The following STK11IP variants were observed in gnomAD, a reference collection of about 807,000 sequenced individuals.
STK11IP encodes serine/threonine kinase 11 interacting protein.
Under a neutral mutation model 131.7 loss-of-function variants are expected in STK11IP, and 103 were observed. The observed-to-expected ratio is 0.78, with a 90% CI of 0.67 to 0.92. The LOEUF is 0.92. Ranked by LOEUF, STK11IP falls within the 40% of genes least tolerant of loss-of-function variation. The probability of loss-of-function intolerance (pLI) is 0.00; values close to 1 mark genes in which losing one functional copy is unlikely to be tolerated. For missense variants in STK11IP, 1,315 were observed against 1,385.7 expected, an observed-to-expected ratio of 0.95 and a Z score of 0.81; for synonymous variants, 557 against 575.6, an observed-to-expected ratio of 0.97 and a Z score of 0.46.
chr2:219,608,871 C>A, intron 15 of STK11IP, 83 bp downstream of exon 15: 1 of 1,395,020 alleles, frequency 7.2e-7, no homozygotes, highest in Non-Finnish European at 9.6e-7. Context: ...CTGGGCATTT[C>A]TTTCAGTCTC....
chr2:219,601,862 A>G (rs1697996877), intron 4 of STK11IP, 126 bp from the exon 5 acceptor site: 2 of 1,249,374 alleles, frequency 1.6e-6, no homozygotes, highest in Non-Finnish European at 2.3e-6. Context: ...CTGTCTTTCC[A>G]TTTACTGCTT....
intron 17 of STK11IP, among the ~76,000 whole-genome samples, chr2:219,611,402 C>T (rs1485212529): frequency 6.6e-6 from 1 of 152,160 alleles, no homozygotes; most frequent in Non-Finnish European, 1.5e-5. Flanking sequence ...AGGGTTAGCT[C>T]ATCCCTCCCT....
Position 219,598,319 on chromosome 2 carries a change from C to T in STK11IP, c.61+139C>T, listed in dbSNP as rs542123425. ...TCAGAGTTCAATTTCTTTACTTTTC[C>T]CAGGTTTGTTCGCCCTTACAGTGTC... On this transcript the variant is annotated intron_variant, in intron 2 of 24. Transcript: ENST00000456909. 4.3e-5 allele frequency: 28 copies of T among 652,654 alleles called. 1 individual carries two copies. Among genetic ancestry groups the T allele is most frequent in the Non-Finnish European group, 6.7e-5 (27 of 400,134 alleles). 40.4% of individuals were successfully genotyped at this position (652,654 alleles called of 1,614,324 possible). A position where few individuals can be genotyped will look rare whatever the true frequency, so the allele number is the denominator to read the frequency against.
In STK11IP at chr2:219,602,027, G is replaced by T; in HGVS notation, c.382G>T (p.Gly128Cys). The T allele has an allele frequency of 1.9e-6, 3 of 1,611,962 alleles. No individual in the cohort carries two copies. The highest frequency in any genetic ancestry group is 2.5e-6 in the Non-Finnish European group (3 of 1,179,220). The change falls in exon 5 of 25, where the codon GGC becomes TGC. Residue 128 changes from glycine (G) to cysteine (C), a missense_variant. Coordinates refer to ENST00000456909, the MANE Select transcript of STK11IP (RefSeq NM_052902.4). The part of the protein sequence containing the change: ...VPLHCLHGLR[G>C]IYSQLETLIC... ...CCTCCACTGTCTGCATGGCCTCCGA[G>T]GCATCTACTCCCAGCTGGAGACCCT...
At position 219,609,475 on chromosome 2, in the gene STK11IP, A is replaced by C. The variant is rs1173234910; in HGVS notation, c.2039A>C (p.Lys680Thr). 6.2e-7 allele frequency: 1 copy of C among 1,605,770 alleles called. No individual in the cohort carries two copies. Among genetic ancestry groups the C allele is most frequent in the Admixed American group, 1.7e-5 (1 of 58,680 alleles). The change falls in exon 17 of 25, where the codon AAG becomes ACG. Residue 680 changes from lysine to threonine, a missense_variant. Lys to Thr is a moderately conservative substitution (Grantham distance 78). Transcript: ENST00000456909. ...TGTCTACGCTGTGGCCATGAGTTCAAGCCAGAGGAGCCCAGGATGGGATTA... is the reference window on the plus strand; with the variant it reads ...TGTCTACGCTGTGGCCATGAGTTCACGCCAGAGGAGCCCAGGATGGGATTA... ...FQCLRCGHEFKPEEPRMGLDS... is the reference protein window; with the variant it reads ...FQCLRCGHEFTPEEPRMGLDS...
intron 13 of STK11IP, among the ~76,000 whole-genome samples, 160 bp from the exon 14 acceptor site, chr2:219,607,887 A>G (rs1380345488): frequency 6.6e-6 from 1 of 152,142 alleles, no homozygotes; most frequent in Non-Finnish European, 1.5e-5. Context: ...TCCATAGGAC[A>G]CGCTTTAGTA....
intron 2 of STK11IP, among the ~76,000 whole-genome samples, chr2:219,601,015 A>C (rs1024643056): frequency 6.6e-6 from 1 of 152,190 alleles, no homozygotes; most frequent in African/African-American, 2.4e-5. Context: ...TTGTGTAGCC[A>C]AGCAGTCTCA....
At chr2:219,603,036 G>GTTTTT (rs750626798) in intron 7 of STK11IP, among the ~76,000 whole-genome samples, 15 of 118,732 alleles carry the variant, frequency 1.3e-4, no homozygotes, top group South Asian at 2.8e-4. Flanking sequence ...AGAGTACCTG[G>GTTTTT]TTTTTTTTTT....
intron 23 of STK11IP, 177 bp from the exon 24 acceptor site, chr2:219,614,917 G>T: frequency 1.4e-6 from 1 of 739,262 alleles, no homozygotes; most frequent in Non-Finnish European, 2.2e-6. Flanking sequence ...AGGTATTCCA[G>T]AGTAGAGATT....
In STK11IP at chr2:219,614,181, C is replaced by G; in HGVS notation, c.2737C>G (p.Pro913Ala). The G allele has an allele frequency of 6.2e-7, 1 of 1,613,498 alleles. No individual in the cohort carries two copies. The highest frequency in any genetic ancestry group is 1.1e-5 in the South Asian group (1 of 91,086). The change falls in exon 22 of 25, where the codon CCT becomes GCT. Residue 913 changes from proline to alanine, a missense_variant. By Grantham distance (27) the Pro-to-Ala change is conservative. Coordinates refer to ENST00000456909, the MANE Select transcript of STK11IP (RefSeq NM_052902.4). ...TCTAGATGTCTTGCAGTCTCTGCCC[C>G]CTGCCTGGAGGAACTGTGTCAGTGC... is the stretch of plus-strand genomic sequence containing the variant. ...ELLDVLQSLP[P>A]AWRNCVSATE...
At position 219,602,722 on chromosome 2, in the gene STK11IP, G is replaced by C. The variant is rs1216984441; in HGVS notation, c.564G>C (p.Leu188=). 6.2e-7 allele frequency: 1 copy of C among 1,613,262 alleles called. No homozygotes were observed. Among genetic ancestry groups the C allele is most frequent in the Admixed American group, 1.7e-5 (1 of 59,848 alleles). ...LDSSLRLLSA[L]RFLNLSHNQV... is the part of the protein sequence containing the mutation. The stretch of plus-strand genomic sequence containing the variant: ...TCTCTCAGCGCCTCTTGTCAGCTCT[G>C]CGTTTCTTGAACCTAAGCCACAATC... The change falls in exon 7 of 25, where the codon CTG becomes CTC. Residue 188 remains leucine, a synonymous_variant. Coordinates refer to ENST00000456909, the MANE Select transcript of STK11IP (RefSeq NM_052902.4).
intron 17 of STK11IP, 135 bp downstream of exon 17, chr2:219,609,675 G>A: frequency 9.8e-7 from 1 of 1,021,150 alleles, no homozygotes; most frequent in Non-Finnish European, 1.4e-6. Flanking sequence ...CTGCCTGGAG[G>A]AAAAAGAAAA....
intron 24 of STK11IP, chr2:219,615,800 C>T (rs1017502113): frequency 4.0e-5 from 28 of 704,436 alleles, no homozygotes; most frequent in Admixed American, 1.8e-4. Context: ...AAATTGAGCC[C>T]GCATCTTCTG....
At position 219,612,055 on chromosome 2, in the gene STK11IP, C is replaced by T. The variant is rs760127943; in HGVS notation, c.2436C>T (p.Leu812=). 1.9e-6 allele frequency: 3 copies of T among 1,598,698 alleles called. No individual in the cohort carries two copies. Among genetic ancestry groups the T allele is most frequent in the South Asian group, 2.3e-5 (2 of 88,112 alleles). Residue 812 remains leucine (L), a synonymous_variant, in exon 19 of 25, where the codon CTC becomes CTT. Coordinates refer to ENST00000456909, the MANE Select transcript of STK11IP (RefSeq NM_052902.4). ...CCCAGGAGGAGTTCCAGTGCTGCCT[C>T]AAGGTCTGTGCTCCCTGACACTGCC... The part of the protein sequence containing the change: ...SDAQEEFQCC[L]KVPVALAGHT...
intron 8 of STK11IP, 75 bp from the exon 9 acceptor site, chr2:219,605,880 TC>T: frequency 3.4e-6 from 5 of 1,469,446 alleles, no homozygotes; most frequent in Non-Finnish European, 2.8e-6. Context: ...TGCTGCAACC[TC>T]CCCCAGTGCA....
chr2:219,615,137 C>G lies in STK11IP; in HGVS notation c.2913C>G (p.Thr971=). 6.2e-7 allele frequency: 1 copy of G among 1,608,814 alleles called. No homozygotes were observed. The highest frequency in any genetic ancestry group is 8.5e-7 in the Non-Finnish European group (1 of 1,178,846). ...CLVSLLLTPS[T]LFLLDEDAAG... ...TATCCCTGTTGCTGACTCCGTCCAC[C>G]CTGTTCCTGTTAGATGAGGATGCTG... The change falls in exon 24 of 25, where the codon ACC becomes ACG. Residue 971 remains threonine (T), a synonymous_variant. Transcript: ENST00000456909.
At position 219,615,173 on chromosome 2, in the gene STK11IP, G is replaced by A. The variant is rs755312357; in HGVS notation, c.2949G>A (p.Pro983=). 29 of 1,601,208 alleles carry A rather than the reference G, an allele frequency of 1.8e-5. No homozygotes were observed. The Middle Eastern group carries it at 6.6e-4, about 36-fold the overall frequency. Residue 983 remains proline (P), a synonymous_variant, in exon 24 of 25, where the codon CCG becomes CCA. Coordinates refer to ENST00000456909, the MANE Select transcript of STK11IP (RefSeq NM_052902.4). Reference sequence around the variant, plus strand: ...TAGATGAGGATGCTGCAGGGTCCCCGGCAGAGCCCTCTCCTCCAGCAGCAT... The same window carrying A: ...TAGATGAGGATGCTGCAGGGTCCCCAGCAGAGCCCTCTCCTCCAGCAGCAT... ...FLLDEDAAGS[P]AEPSPPAASG...
At position 219,613,191 on chromosome 2, in the gene STK11IP, A is replaced by C; in HGVS notation, c.2503A>C (p.Arg835=). The C allele has an allele frequency of 6.3e-7, 1 of 1,593,800 alleles. No homozygotes were observed. Among genetic ancestry groups the C allele is most frequent in the Non-Finnish European group, 8.6e-7 (1 of 1,168,004 alleles). Reference sequence around the variant, plus strand: ...GTGCCTTGTGGTTGTGTCTGACCGCAGGCTGTACCTGTTGAAGGTGACTGG... The same window carrying C: ...GTGCCTTGTGGTTGTGTCTGACCGCCGGCTGTACCTGTTGAAGGTGACTGG... ...FMCLVVVSDR[R]LYLLKVTGEM... Residue 835 remains arginine (R), a synonymous_variant, in exon 20 of 25, where the codon AGG becomes CGG. Transcript: ENST00000456909.
At chr2:219,601,966 C>A in intron 4 of STK11IP, 22 bp from the exon 5 acceptor site, 1 of 1,592,462 alleles carries the variant, frequency 6.3e-7, no homozygotes. Context: ...CTGCCTTCCT[C>A]CCTCCTCTTT....
Sources: gnomAD v4.1 joint callset for allele counts (sites outside exome capture counted in the v4.1 genomes callset) on GRCh38, gnomAD v4.1.1 for gene constraint, MANE v1.5 for transcripts, NCBI Gene and HGNC (gene_info 2026-07-23, HGNC 2026-07-21) for gene names.